ARHGEF28: variants seen among roughly 807,000 people sequenced by gnomAD.
The protein encoded by ARHGEF28 is 190 kDa guanine nucleotide exchange factor.
Under a neutral mutation model 206.6 loss-of-function variants are expected in ARHGEF28, and 152 were observed. That is an observed-to-expected ratio of 0.74 (90% CI 0.64 to 0.84). ARHGEF28 has a LOEUF of 0.84. Among genes scored for constraint, ARHGEF28 ranks in the 40% least tolerant of loss-of-function variants. The pLI is 0.00. For synonymous variants in ARHGEF28, 763 were observed against 776.4 expected (o/e 0.98, Z 0.29); for missense variants, 2,028 against 2,073.2 (o/e 0.98, Z 0.42).
chr5:73,937,139 GC>G (rs746490358), intron 35 of ARHGEF28, among the ~76,000 whole-genome samples: 58 of 152,222 alleles, frequency 3.8e-4, no homozygotes, highest in Non-Finnish European at 6.5e-4. Flanking sequence ...GGATATCAGT[GC>G]TGTCTGCAGG....
chr5:73,726,878 C>G (rs919597485), intron 2 of ARHGEF28, among the ~76,000 whole-genome samples: 2 of 152,032 alleles, frequency 1.3e-5, no homozygotes, highest in African/African-American at 4.8e-5. Flanking sequence ...TTGTCTTGTT[C>G]TTTCTGCAGA....
chr5:73,806,341 ACTAT>A (rs1254101841), intron 9 of ARHGEF28, among the ~76,000 whole-genome samples: 1 of 129,256 alleles, frequency 7.7e-6, no homozygotes, highest in African/African-American at 3.0e-5. Context: ...GTATATATAT[ACTAT>A]GTAGATATAC....
intron 7 of ARHGEF28, 113 bp downstream of exon 7, chr5:73,780,858 C>A: frequency 8.7e-7 from 1 of 1,145,056 alleles, no homozygotes. Flanking sequence ...GGCTCAGAGG[C>A]AAGATCAGGG....
intron 13 of ARHGEF28, among the ~76,000 whole-genome samples, chr5:73,851,684 T>G (rs1344281469): frequency 1.3e-5 from 2 of 152,188 alleles, no homozygotes; most frequent in African/African-American, 4.8e-5. Context: ...TGGCTTATTC[T>G]CTTGGTACTT....
intron 1 of ARHGEF28, among the ~76,000 whole-genome samples, chr5:73,679,208 G>C (rs533579381): frequency 2.6e-5 from 4 of 152,290 alleles, no homozygotes; most frequent in African/African-American, 7.2e-5. Flanking sequence ...GCTTTTGTAG[G>C]TAGCAAACTT....
rs150983698 is a variant in ARHGEF28, at chr5:73,726,306, G to A, written c.34-23531G>A. On this transcript the variant is annotated intron_variant, in intron 2 of 35. Transcript: ENST00000513042. ...TCTGCCAGGTATGACTAGCCAAACTGCAAACAAAATTCAAGTTACATAGAT... is the reference window on the plus strand; with the variant it reads ...TCTGCCAGGTATGACTAGCCAAACTACAAACAAAATTCAAGTTACATAGAT... Among the ~76,000 whole-genome samples the A allele has an allele frequency of 5.6e-3, 856 of 152,268 alleles. 5 individuals carry two copies. Among genetic ancestry groups the A allele is most frequent in the African/African-American group, 0.019 (808 of 41,550 alleles).
At chr5:73,838,479 C>T (rs1341843145) in intron 10 of ARHGEF28, among the ~76,000 whole-genome samples, 1 of 152,152 alleles carries the variant, frequency 6.6e-6, no homozygotes, top group East Asian at 1.9e-4. Flanking sequence ...AGAAAATTCA[C>T]ATGATGAAAG....
At chr5:73,682,056 C>T (rs1747139615) in intron 1 of ARHGEF28, among the ~76,000 whole-genome samples, 1 of 152,102 alleles carries the variant, frequency 6.6e-6, no homozygotes, top group Non-Finnish European at 1.5e-5. Flanking sequence ...TGCATTCCAG[C>T]CTGGATGACA....
At chr5:73,904,835 CATTTATTA>C (rs1762460450) in intron 33 of ARHGEF28, 1 of 168,238 alleles carries the variant, frequency 5.9e-6, no homozygotes, top group African/African-American at 2.4e-5. Context: ...ATCCACTCAA[CATTTATTA>C]ATTTATTAAT....
At chr5:73,861,451 C>T (rs374050864) in intron 16 of ARHGEF28, among the ~76,000 whole-genome samples, 200 of 152,186 alleles carry the variant, frequency 1.3e-3, no homozygotes, top group Middle Eastern at 3.4e-3. Flanking sequence ...CCATAAAAAA[C>T]TATGGGAGCC....
chr5:73,874,268 C>G (rs1760294302), intron 22 of ARHGEF28, among the ~76,000 whole-genome samples: 1 of 152,038 alleles, frequency 6.6e-6, no homozygotes, highest in Admixed American at 6.6e-5. Flanking sequence ...ATATTCTAGA[C>G]ATTGGTTCTT....
intron 31 of ARHGEF28, 37 bp downstream of exon 31, chr5:73,901,321 T>A: frequency 6.4e-7 from 1 of 1,562,488 alleles, no homozygotes; most frequent in Non-Finnish European, 8.8e-7. Flanking sequence ...CGGCAGCGGT[T>A]ACTGTGTATA....
chr5:73,673,922 C>T (rs1746498600), intron 1 of ARHGEF28, among the ~76,000 whole-genome samples: 1 of 151,652 alleles, frequency 6.6e-6, no homozygotes, highest in Non-Finnish European at 1.5e-5. Context: ...ACCTGTAATC[C>T]CAACACTGGG....
chr5:73,739,638 T>C (rs60611812), intron 2 of ARHGEF28, among the ~76,000 whole-genome samples: 37,920 of 150,662 alleles, frequency 0.25, 5,055 homozygotes, highest in Non-Finnish European at 0.3. Context: ...GTGCAACAGG[T>C]GAAACCTTCT....
At chr5:73,807,125 A>C (rs944765841) in intron 9 of ARHGEF28, among the ~76,000 whole-genome samples, 1 of 149,894 alleles carries the variant, frequency 6.7e-6, no homozygotes, top group African/African-American at 2.5e-5. Context: ...TCTTCCTAAT[A>C]GGAGGGATTT....
intron 35 of ARHGEF28, among the ~76,000 whole-genome samples, chr5:73,926,470 T>G (rs1763815950): frequency 6.6e-6 from 1 of 152,040 alleles, no homozygotes. Flanking sequence ...TTCAAGACCC[T>G]CCCAAACCTC....
intron 2 of ARHGEF28, among the ~76,000 whole-genome samples, chr5:73,702,955 C>A (rs960976542): frequency 2.0e-5 from 3 of 152,102 alleles, no homozygotes; most frequent in African/African-American, 7.2e-5. Context: ...GTTGAGATAG[C>A]AAGAGTTTAT....
intron 4 of ARHGEF28, among the ~76,000 whole-genome samples, chr5:73,766,574 G>A: frequency 6.6e-6 from 1 of 152,142 alleles, no homozygotes; most frequent in Non-Finnish European, 1.5e-5. Flanking sequence ...TCCCAACTCT[G>A]GCTTTGCATT....
chr5:73,723,424 G>A (rs1750083290), intron 2 of ARHGEF28, among the ~76,000 whole-genome samples: 1 of 152,174 alleles, frequency 6.6e-6, no homozygotes, highest in Non-Finnish European at 1.5e-5. Context: ...TTGACCTCAT[G>A]ATCTACCCTC....
Sources: gnomAD v4.1 joint callset for allele counts (sites outside exome capture counted in the v4.1 genomes callset) on GRCh38, gnomAD v4.1.1 for gene constraint, MANE v1.5 for transcripts, NCBI Gene and HGNC (gene_info 2026-07-23, HGNC 2026-07-21) for gene names.